The following PIBF1 variants were observed in gnomAD, a reference collection of about 807,000 sequenced individuals.
PIBF1 encodes progesterone immunomodulatory binding factor 1.
A neutral mutation model predicts 112.5 loss-of-function variants in PIBF1; 90 were observed. That is an observed-to-expected ratio of 0.80 (90% confidence interval 0.67 to 0.95). The LOEUF (loss-of-function observed/expected upper bound fraction) is 0.95. PIBF1 is among the 40% of genes least tolerant of loss of function. The pLI is 0.00. For synonymous variants in PIBF1, 301 were observed against 288.6 expected, an observed-to-expected ratio of 1.04 and a Z score of -0.44; for missense variants, 915 against 852.3, an observed-to-expected ratio of 1.07 and a Z score of -0.92.
At chr13:72,959,902 A>C (rs959074733) in intron 14 of PIBF1, among the ~76,000 whole-genome samples, 1 of 152,232 alleles carries the variant, frequency 6.6e-6, no homozygotes, top group African/African-American at 2.4e-5. Context: ...TAAGAAAAAG[A>C]TTACTAACAA....
Position 72,861,330 on chromosome 13 carries a change from A to G in PIBF1, c.1322+7175A>G, listed in dbSNP as rs145865774. Among the ~76,000 whole-genome samples, 3 of 152,108 alleles carry G rather than the reference A, an allele frequency of 2.0e-5. No homozygotes were observed. The East Asian group carries it at 5.8e-4, about 29-fold the overall frequency. On this transcript the variant is annotated intron_variant, in intron 10 of 17. Coordinates refer to ENST00000326291, the MANE Select transcript of PIBF1 (RefSeq NM_006346.4). ...ATTATGTACATATATTATGTATTTTAAAAGAATTTTCATTGCAAGTATTTT... is the reference window on the plus strand; with the variant it reads ...ATTATGTACATATATTATGTATTTTGAAAGAATTTTCATTGCAAGTATTTT...
chr13:72,810,547 A>G (rs969025431), intron 5 of PIBF1, among the ~76,000 whole-genome samples: 1 of 152,204 alleles, frequency 6.6e-6, no homozygotes, highest in Non-Finnish European at 1.5e-5. Flanking sequence ...TTTTATTTGT[A>G]TGAAAATGAG....
At chr13:72,803,261 GTT>G (rs200899117) in intron 5 of PIBF1, among the ~76,000 whole-genome samples, 6 of 130,644 alleles carry the variant, frequency 4.6e-5, no homozygotes, top group African/African-American at 1.8e-4. Flanking sequence ...TTTGTTTTTT[GTT>G]TTTTGTTTTT....
intron 13 of PIBF1, among the ~76,000 whole-genome samples, chr13:72,928,024 TAC>T (rs1566458614): frequency 1.2e-4 from 8 of 69,358 alleles, no homozygotes; most frequent in Admixed American, 2.0e-4. Context: ...TACATATATA[TAC>T]ATATATATAT....
At chr13:72,949,297 TG>T (rs2042231928) in intron 14 of PIBF1, among the ~76,000 whole-genome samples, 9 of 127,892 alleles carry the variant, frequency 7.0e-5, no homozygotes, top group African/African-American at 2.5e-4. Flanking sequence ...GACAAATAGC[TG>T]TCTTTTTTTT....
intron 5 of PIBF1, among the ~76,000 whole-genome samples, chr13:72,804,822 T>C (rs2035643603): frequency 6.6e-6 from 1 of 152,194 alleles, no homozygotes; most frequent in Non-Finnish European, 1.5e-5. Context: ...ATATATCCAG[T>C]AAAAGTGTGT....
intron 5 of PIBF1, among the ~76,000 whole-genome samples, chr13:72,809,660 G>A (rs929035407): frequency 7.6e-5 from 11 of 145,402 alleles, no homozygotes; most frequent in Admixed American, 2.1e-4. Flanking sequence ...CATGATTTTG[G>A]CTCACTGCAA....
In PIBF1 at chr13:73,016,167, G is replaced by A; in HGVS notation, c.*248G>A. 1 of 178,852 alleles carries A rather than the reference G, an allele frequency of 5.6e-6. No individual in the cohort carries two copies. The allele number at this position is 178,852 out of a possible 1,614,324, so 11.1% of individuals were successfully genotyped here. On this transcript the variant is annotated 3_prime_UTR_variant, in exon 18 of 18. Coordinates refer to ENST00000326291, the MANE Select transcript of PIBF1 (RefSeq NM_006346.4). ...TTTAAATTTTGGAGCTTTCATAAATGTTCAATGCATTTTAAGTGTGTGGCT... is the reference window on the plus strand; with the variant it reads ...TTTAAATTTTGGAGCTTTCATAAATATTCAATGCATTTTAAGTGTGTGGCT...
Position 72,927,625 on chromosome 13 carries a change from G to A in PIBF1, c.1731-3540G>A, listed in dbSNP as rs144671055. 4.3e-3 allele frequency among the ~76,000 whole-genome samples: 655 copies of A among 152,194 alleles called. 10 individuals are homozygous for A. Among genetic ancestry groups the A allele is most frequent in the African/African-American group, 0.015 (606 of 41,522 alleles). ...TGGTCTCAAACTCCTGGCCTCAAGT[G>A]ATCTGCCTGCCTTGGCCTAATTTTT... is the stretch of plus-strand genomic sequence containing the variant. On this transcript the variant is annotated intron_variant, in intron 13 of 17. Transcript: ENST00000326291.
intron 16 of PIBF1, among the ~76,000 whole-genome samples, chr13:72,997,988 A>C (rs559861786): frequency 1.8e-4 from 27 of 152,294 alleles, no homozygotes; most frequent in African/African-American, 5.8e-4. Flanking sequence ...ATCACAATTA[A>C]TTCTTAGTTC....
In PIBF1 at chr13:72,987,858, A is replaced by ATTT. The variant is rs55999445; in HGVS notation, c.2050-10943_2050-10941dup. On this transcript the variant is annotated intron_variant, in intron 16 of 17. Transcript: ENST00000326291. Reference sequence around the variant, plus strand: ...TTGTAATTTATTTATTTATTTATTTATTTTTTTTTTTTTTTTTTTTTTTGA... The same window carrying ATTT: ...TTGTAATTTATTTATTTATTTATTTATTTTTTTTTTTTTTTTTTTTTTTTTTGA... Among the ~76,000 whole-genome samples the ATTT allele has an allele frequency of 1.1e-3, 61 of 58,052 alleles. 1 individual carries two copies. The highest frequency in any genetic ancestry group is 1.7e-3 in the African/African-American group (18 of 10,710). The allele number at this position is 58,052 out of a possible 152,430, so 38.1% of individuals were successfully genotyped here.
intron 16 of PIBF1, among the ~76,000 whole-genome samples, chr13:72,989,599 A>G (rs1460543931): frequency 2.0e-5 from 3 of 152,176 alleles, no homozygotes; most frequent in Non-Finnish European, 4.4e-5. Context: ...GCATGGCAGG[A>G]TAGGAGGGTA....
intron 10 of PIBF1, among the ~76,000 whole-genome samples, chr13:72,871,373 T>A (rs929515550): frequency 2.6e-5 from 4 of 152,168 alleles, no homozygotes; most frequent in African/African-American, 9.7e-5. Context: ...TGGCGCAATC[T>A]TGGCTCACTG....
intron 10 of PIBF1, among the ~76,000 whole-genome samples, chr13:72,874,922 C>G (rs2039331139): frequency 6.6e-6 from 1 of 152,146 alleles, no homozygotes; most frequent in Non-Finnish European, 1.5e-5. Context: ...TCTACACTGA[C>G]AAATCATTAT....
chr13:72,911,237 A>G (rs1038904487), intron 12 of PIBF1, among the ~76,000 whole-genome samples: 1 of 152,216 alleles, frequency 6.6e-6, no homozygotes, highest in Non-Finnish European at 1.5e-5. Flanking sequence ...CCTGTTTTCA[A>G]GATTTACTAT....
intron 16 of PIBF1, among the ~76,000 whole-genome samples, chr13:72,994,640 C>G (rs1359537623): frequency 1.3e-5 from 2 of 152,040 alleles, no homozygotes; most frequent in African/African-American, 2.4e-5. Flanking sequence ...AATCAAAAGG[C>G]AGGGAGATGA....
At chr13:72,933,543 TC>T (rs2041775138) in intron 14 of PIBF1, among the ~76,000 whole-genome samples, 1 of 152,194 alleles carries the variant, frequency 6.6e-6, no homozygotes, top group African/African-American at 2.4e-5. Flanking sequence ...ATGCCTGTAA[TC>T]CCAGCTACCT....
At chr13:72,894,041 G>T in intron 11 of PIBF1, 92 bp downstream of exon 11, 2 of 172,800 alleles carry the variant, frequency 1.2e-5, no homozygotes, top group Non-Finnish European at 2.2e-5. Flanking sequence ...CCTATAGGAT[G>T]TATCACTATC....
At chr13:73,001,435 T>C in intron 17 of PIBF1, among the ~76,000 whole-genome samples, 1 of 152,100 alleles carries the variant, frequency 6.6e-6, no homozygotes, top group East Asian at 1.9e-4. Context: ...TATTTTCCCC[T>C]GATAGTAAAT....
Sources: allele counts gnomAD v4.1 joint callset (sites outside exome capture counted in the v4.1 genomes callset), GRCh38; gene constraint gnomAD v4.1.1; transcripts MANE v1.5; gene names NCBI Gene and HGNC (gene_info 2026-07-23, HGNC 2026-07-21).